The following MAMDC2 variants were observed in gnomAD, a reference collection of about 807,000 sequenced individuals.
The protein encoded by MAMDC2 is MAM domain-containing protein 2.
A neutral mutation model predicts 89.8 loss-of-function variants in MAMDC2; 57 were observed. That is an observed-to-expected ratio of 0.63 (90% CI 0.51 to 0.79). The LOEUF (loss-of-function observed/expected upper bound fraction) is 0.79, where lower values mean the gene tolerates loss of function less well. Ranked by LOEUF, MAMDC2 falls within the 30% of genes least tolerant of loss-of-function variation. The pLI is 0.00. For synonymous variants in MAMDC2, 313 were observed against 293.4 expected, an observed-to-expected ratio of 1.07 and a Z score of -0.68; for missense variants, 800 against 820.6, an observed-to-expected ratio of 0.97 and a Z score of 0.31.
intron 2 of MAMDC2, among the ~76,000 whole-genome samples, chr9:70,080,422 C>A (rs1486999689): frequency 6.6e-6 from 1 of 152,206 alleles, no homozygotes; most frequent in African/African-American, 2.4e-5. Flanking sequence ...TCCAGGTCAA[C>A]AGCGATCTAA....
intron 2 of MAMDC2, among the ~76,000 whole-genome samples, chr9:70,051,897 A>C (rs1826909883): frequency 6.6e-6 from 1 of 150,852 alleles, no homozygotes; most frequent in South Asian, 2.1e-4. Flanking sequence ...AGAGATAGAT[A>C]GATAGATAGA....
At chr9:70,195,657 GCTCT>G (rs1173686139) in intron 11 of MAMDC2, among the ~76,000 whole-genome samples, 1 of 152,006 alleles carries the variant, frequency 6.6e-6, no homozygotes, top group East Asian at 1.9e-4. Flanking sequence ...TGCTGTCTAT[GCTCT>G]CTGACCATGA....
At chr9:70,105,805 T>C (rs1467904534) in intron 2 of MAMDC2, 8 of 152,128 alleles carry the variant, frequency 5.3e-5, no homozygotes, top group Admixed American at 5.2e-4. Flanking sequence ...AATTTTTTTA[T>C]GGCACTCACT....
intron 2 of MAMDC2, among the ~76,000 whole-genome samples, chr9:70,072,841 A>AT (rs201937671): frequency 0.01 from 1,534 of 151,674 alleles, 9 homozygotes; most frequent in Non-Finnish European, 0.017. Flanking sequence ...TTTTCATTCT[A>AT]TTTTTTTTTC....
intron 2 of MAMDC2, among the ~76,000 whole-genome samples, chr9:70,071,956 G>A (rs752825201): frequency 2.0e-5 from 3 of 152,098 alleles, no homozygotes; most frequent in Non-Finnish European, 4.4e-5. Context: ...GGTAACTTGA[G>A]AGGCTGAATT....
chr9:70,089,402 C>G (rs1347586984), intron 2 of MAMDC2, among the ~76,000 whole-genome samples: 1 of 152,124 alleles, frequency 6.6e-6, no homozygotes, highest in Non-Finnish European at 1.5e-5. Flanking sequence ...AGTTGTAGCT[C>G]TAATTTTATG....
chr9:70,206,021 G>T (rs543941216), intron 11 of MAMDC2, among the ~76,000 whole-genome samples: 1 of 152,142 alleles, frequency 6.6e-6, no homozygotes, highest in Non-Finnish European at 1.5e-5. Context: ...TGACTGGTTT[G>T]TGCATCAAAG....
intron 11 of MAMDC2, among the ~76,000 whole-genome samples, chr9:70,179,182 A>C (rs2032576756): frequency 6.6e-6 from 1 of 152,160 alleles, no homozygotes; most frequent in African/African-American, 2.4e-5. Context: ...TGTAACTAAG[A>C]CATTGGAGAT....
At chr9:70,151,447 G>A (rs2031576457) in intron 9 of MAMDC2, among the ~76,000 whole-genome samples, 4 of 152,200 alleles carry the variant, frequency 2.6e-5, no homozygotes, top group Admixed American at 2.0e-4. Context: ...CTGTGCCCTG[G>A]TGCAAAGTAG....
chr9:70,167,912 A>G (rs1000554451), intron 9 of MAMDC2, among the ~76,000 whole-genome samples: 4 of 152,208 alleles, frequency 2.6e-5, no homozygotes, highest in African/African-American at 7.2e-5. Flanking sequence ...CAGATGGCAA[A>G]TCACCAGGAC....
Position 70,126,160 on chromosome 9 carries a change from C to T in MAMDC2, c.645C>T (p.Gly215=), listed in dbSNP as rs567179597. The change falls in exon 6 of 14, where the codon GGC becomes GGT. Residue 215 remains glycine (G), a splice_region_variant and synonymous_variant. Coordinates refer to ENST00000377182, the MANE Select transcript of MAMDC2 (RefSeq NM_153267.5). ...PQDHTFKSEL[G]HYMYVDSVYV... is the part of the protein sequence containing the mutation. ...GTGCTCTGTCTGTGTGATTTTCAGG[C>T]CACTACATGTACGTGGACTCAGTTT... 3.3e-5 allele frequency: 53 copies of T among 1,609,268 alleles called. No homozygotes were observed. The East Asian group carries it at 1.1e-3, about 33-fold the overall frequency.
At chr9:70,148,919 C>G (rs2031492818) in intron 9 of MAMDC2, among the ~76,000 whole-genome samples, 2 of 148,690 alleles carry the variant, frequency 1.3e-5, no homozygotes, top group African/African-American at 5.0e-5. Flanking sequence ...GTCCCAGCTA[C>G]TCAGGAGGCT....
In MAMDC2 at chr9:70,108,618, T is replaced by C. The variant is rs1159495067; in HGVS notation, c.420+136T>C. On this transcript the variant is annotated intron_variant, in intron 3 of 13. Transcript: ENST00000377182. ...GTGATGTTTCATAAGATACATACCA[T>C]AGAAGAATATTAGCAATGGAAATTA... 9.1e-6 allele frequency: 6 copies of C among 660,754 alleles called. No individual in the cohort carries two copies. In the South Asian group the frequency reaches 1.9e-4, roughly 21 times the overall value. The allele number at this position is 660,754 out of a possible 1,614,324, so 40.9% of individuals were successfully genotyped here. A position where few individuals can be genotyped will look rare whatever the true frequency, so the allele number is the denominator to read the frequency against.
intron 11 of MAMDC2, among the ~76,000 whole-genome samples, chr9:70,176,446 G>A (rs181946686): frequency 7.4e-4 from 112 of 152,234 alleles, no homozygotes; most frequent in African/African-American, 2.6e-3. Flanking sequence ...AAAATAGAGT[G>A]CATGTTATTA....
At chr9:70,109,485 C>A in intron 3 of MAMDC2, 1 of 429,408 alleles carries the variant, frequency 2.3e-6, no homozygotes. Context: ...CCTTATTTAC[C>A]TTGAAGTTTT....
At chr9:70,096,491 C>T (rs779143911) in intron 2 of MAMDC2, among the ~76,000 whole-genome samples, 1 of 152,126 alleles carries the variant, frequency 6.6e-6, no homozygotes, top group Non-Finnish European at 1.5e-5. Flanking sequence ...CTGAGTCAGC[C>T]CCCCCTTTGA....
At chr9:70,219,456 C>T (rs531296899) in intron 12 of MAMDC2, among the ~76,000 whole-genome samples, 1 of 152,354 alleles carries the variant, frequency 6.6e-6, no homozygotes, top group South Asian at 2.1e-4. Context: ...CAGCACTCTG[C>T]GTCTTTAACC....
At chr9:70,084,173 G>T (rs1827716077) in intron 2 of MAMDC2, among the ~76,000 whole-genome samples, 1 of 152,066 alleles carries the variant, frequency 6.6e-6, no homozygotes, top group South Asian at 2.1e-4. Context: ...TGAGACGGGA[G>T]ACTCATAACC....
chr9:70,152,116 T>G (rs1459397335), intron 9 of MAMDC2, among the ~76,000 whole-genome samples: 2 of 152,296 alleles, frequency 1.3e-5, no homozygotes, highest in East Asian at 3.9e-4. Flanking sequence ...CTGCCTCCCC[T>G]GTGCCTTTCT....
Sources: allele counts gnomAD v4.1 joint callset (sites outside exome capture counted in the v4.1 genomes callset), GRCh38; gene constraint gnomAD v4.1.1; transcripts MANE v1.5; gene names NCBI Gene and HGNC (gene_info 2026-07-23, HGNC 2026-07-21).